The following FAHD1 variants were observed in gnomAD, a reference collection of about 807,000 sequenced individuals.
FAHD1 encodes the protein oxaloacetate tautomerase FAHD1, mitochondrial.
In FAHD1, 14 loss-of-function variants were observed where a neutral mutation model predicts 12.7. The ratio of observed to expected loss-of-function variants is 1.10; its 90% CI spans 0.73 to 1.72. FAHD1 has a LOEUF of 1.72. Among genes scored for constraint, FAHD1 ranks in the 40% most tolerant of loss-of-function variants. The probability of loss-of-function intolerance (pLI) is 0.00; values close to 1 mark genes in which losing one functional copy is unlikely to be tolerated. For synonymous variants in FAHD1, 153 were observed against 124.9 expected, an observed-to-expected ratio of 1.22 and a Z score of -1.50; for missense variants, 351 against 298.9, an observed-to-expected ratio of 1.17 and a Z score of -1.29.
At chr16:1,838,035 C>T (rs1387719592) in exon 2 of FAHD1, 27 of 1,348,166 alleles carry the variant, frequency 2.0e-5, no homozygotes, top group African/African-American at 1.3e-4. Context: ...CTCACTCTGT[C>T]GCCCAAGCTG....
downstream of FAHD1, among the ~76,000 whole-genome samples, chr16:1,833,453 G>A (rs1177832998): frequency 6.6e-6 from 1 of 151,822 alleles, no homozygotes; most frequent in African/African-American, 2.4e-5. Context: ...CCACGACTTT[G>A]GCTATTCCCA....
chr16:1,838,385 A>G (rs1392503618), intron 2 of FAHD1, among the ~76,000 whole-genome samples: 1 of 152,192 alleles, frequency 6.6e-6, no homozygotes, highest in Non-Finnish European at 1.5e-5. Context: ...TCAGCAAGGA[A>G]AAATCCCCTC....
At chr16:1,836,140 A>C (rs1266439175) in intron 1 of FAHD1, among the ~76,000 whole-genome samples, 5 of 151,148 alleles carry the variant, frequency 3.3e-5, no homozygotes, top group Admixed American at 2.6e-4. Context: ...CTCATTAATT[A>C]ATGAGTTAAA....
At chr16:1,839,651 CAGTCCT>C in exon 3 of FAHD1, 1 of 486,432 alleles carries the variant, frequency 2.1e-6, no homozygotes, top group Non-Finnish European at 3.6e-6. Context: ...CTGCGTACAC[CAGTCCT>C]CTGCCTGCCC....
At chr16:1,828,545 CTG>C in exon 1 of FAHD1, 2 of 1,000,230 alleles carry the variant, frequency 2.0e-6, no homozygotes, top group Non-Finnish European at 2.4e-6. Context: ...GCAGAGAAAA[CTG>C]AAAGTTATGT....
chr16:1,834,685 C>T lies in FAHD1; in HGVS notation c.628-3331C>T, dbSNP rs183496384. ...CAGTGGCTCACGCCTGTAATCCCAG[C>T]ACTTTGGGAGGCCAAGGCGGGTGGA... On this transcript the variant is annotated intron_variant, in intron 1 of 2. Coordinates refer to the FAHD1 transcript ENST00000382666. Among the ~76,000 whole-genome samples the T allele has an allele frequency of 2.1e-3, 318 of 152,362 alleles. 4 individuals are homozygous for T. Among genetic ancestry groups the T allele is most frequent in the African/African-American group, 7.5e-3 (312 of 41,582 alleles).
chr16:1,827,338 G>T, exon 1 of FAHD1: 1 of 1,613,134 alleles, frequency 6.2e-7, no homozygotes, highest in Non-Finnish European at 8.5e-7. Context: ...GATGCGCAGC[G>T]CGGTGTTGAG....
chr16:1,835,342 A>C (rs1046235583), intron 1 of FAHD1, among the ~76,000 whole-genome samples: 4 of 152,168 alleles, frequency 2.6e-5, no homozygotes, highest in African/African-American at 9.6e-5. Context: ...TTTAAGCTGT[A>C]GCAGGGACTC....
Position 1,827,270 on chromosome 16 carries a change from G to C in FAHD1, c.32G>C (p.Trp11Ser), listed in dbSNP as rs779821974. ...GCATCCAGGCCATTGTCCCGCTTCT[G>C]GGAGTGGGGAAAGAACATCGTCTGC... Residue 11 changes from tryptophan (W) to serine (S), a missense_variant, in exon 1 of 1, where the codon TGG becomes TCG. Coordinates refer to ENST00000427358, the Ensembl canonical transcript of FAHD1. 68 of 1,612,244 alleles carry C rather than the reference G, an allele frequency of 4.2e-5. No homozygotes were observed. The highest frequency in any genetic ancestry group is 4.9e-5 in the Non-Finnish European group (58 of 1,179,244).
chr16:1,834,300 G>A, intron 1 of FAHD1: 2 of 1,612,878 alleles, frequency 1.2e-6, no homozygotes, highest in Non-Finnish European at 1.7e-6. Context: ...GCCTCAGTAG[G>A]ATCTGCAAGC....
At chr16:1,835,035 A>G (rs111853278) in intron 1 of FAHD1, among the ~76,000 whole-genome samples, 3,763 of 151,102 alleles carry the variant, frequency 0.025, 154 homozygotes, top group African/African-American at 0.088. Context: ...CAGGTAGATC[A>G]CTTGAGGCCT....
chr16:1,828,602 C>T, exon 1 of FAHD1: 1 of 998,498 alleles, frequency 1.0e-6, no homozygotes, highest in Non-Finnish European at 1.2e-6. Context: ...TAGATTTGGT[C>T]ATCATCAGGA....
At chr16:1,835,777 G>A (rs1444863680) in intron 1 of FAHD1, among the ~76,000 whole-genome samples, 1 of 152,164 alleles carries the variant, frequency 6.6e-6, no homozygotes, top group East Asian at 1.9e-4. Context: ...CTGCCCTATA[G>A]AGGAGCCCAG....
At chr16:1,829,215 G>A (rs1409254950), downstream of FAHD1, among the ~76,000 whole-genome samples, 1 of 152,160 alleles carries the variant, frequency 6.6e-6, no homozygotes, top group Non-Finnish European at 1.5e-5. Context: ...TCCTGTTCGC[G>A]TTCACATCAT....
exon 2 of FAHD1, chr16:1,838,096 A>C (rs970642903): frequency 1.4e-6 from 1 of 716,826 alleles, no homozygotes; most frequent in East Asian, 2.7e-5. Flanking sequence ...TCCCGGGGTC[A>C]AGCAATCCTC....
At chr16:1,838,788 C>T (rs56164716) in intron 2 of FAHD1, among the ~76,000 whole-genome samples, 27,036 of 152,006 alleles carry the variant, frequency 0.18, 2,566 homozygotes, top group South Asian at 0.27. Context: ...ACATCCTGGG[C>T]TCAAGTGATT....
chr16:1,830,946 C>CACACA (rs1210922803), downstream of FAHD1, among the ~76,000 whole-genome samples: 3 of 35,282 alleles, frequency 8.5e-5, no homozygotes, highest in Non-Finnish European at 1.8e-4. Context: ...ACACACACAC[C>CACACA]CATATTTTGG....
Position 1,838,036 on chromosome 16 carries a change from G to A in FAHD1, c.648G>A (p.Ser216=), listed in dbSNP as rs74891344. The A allele has an allele frequency of 4.5e-3, 5,953 of 1,325,158 alleles. 241 individuals carry two copies. In the East Asian group the frequency reaches 0.099, roughly 22 times the overall value. The allele number at this position is 1,325,158 out of a possible 1,614,324, so 82.1% of individuals were successfully genotyped here. The stretch of plus-strand genomic sequence containing the variant: ...TGTAGAGACAGGGTCTCACTCTGTC[G>A]CCCAAGCTGGAGTGCAGCAGTGCTA... Residue 216 remains serine, a synonymous_variant, in exon 2 of 3, where the codon TCG becomes TCA. Coordinates refer to the FAHD1 transcript ENST00000382666.
downstream of FAHD1, among the ~76,000 whole-genome samples, chr16:1,833,560 T>C (rs9944384): frequency 1.5e-3 from 168 of 112,484 alleles, 1 homozygote; most frequent in Middle Eastern, 8.4e-3. Flanking sequence ...GGTACTTTTT[T>C]TTTTTTTTTT....
Sources: allele counts gnomAD v4.1 joint callset (sites outside exome capture counted in the v4.1 genomes callset), GRCh38; gene constraint gnomAD v4.1.1; transcripts MANE v1.5; gene names NCBI Gene and HGNC (gene_info 2026-07-23, HGNC 2026-07-21).